The following CROCC variants were observed in gnomAD, a reference collection of about 807,000 sequenced individuals.
CROCC encodes the protein ciliary rootlet coiled-coil, rootletin.
CROCC carries 180 observed loss-of-function variants against 245.2 expected under a neutral mutation model. The observed-to-expected ratio is 0.73, with a 90% confidence interval of 0.65 to 0.83. The LOEUF is 0.83. CROCC is among the 40% of genes least tolerant of loss of function. CROCC has a pLI of 0.00. For synonymous variants in CROCC, 1,205 were observed against 1,241.6 expected (o/e 0.97, Z 0.62); for missense variants, 2,688 against 2,779.4 (o/e 0.97, Z 0.74).
intron 30 of CROCC, 123 bp from the exon 31 acceptor site, chr1:16,968,080 C>A: frequency 1.0e-6 from 1 of 958,882 alleles, no homozygotes; most frequent in Non-Finnish European, 1.6e-6. Context: ...CCAGGCCGGC[C>A]CCAGGTCACG....
In CROCC at chr1:16,954,908, A is replaced by G. The variant is rs1367679264; in HGVS notation, c.3465+31A>G. On this transcript the variant is annotated intron_variant, in intron 23 of 36. Transcript: ENST00000375541. The surrounding 1 kb of genome is among the most constrained non-coding windows in gnomAD (Gnocchi z 4.4). ...CAGCCGCCCCCCTCTTCCAAGCAGCATACCCTAAATGGCACTGTGTGCCTG... is the reference window on the plus strand; with the variant it reads ...CAGCCGCCCCCCTCTTCCAAGCAGCGTACCCTAAATGGCACTGTGTGCCTG... The G allele has an allele frequency of 3.3e-6, 5 of 1,499,442 alleles. No individual in the cohort carries two copies. Among genetic ancestry groups the G allele is most frequent in the Admixed American group, 2.1e-5 (1 of 46,744 alleles). 92.9% of individuals were successfully genotyped at this position (1,499,442 alleles called of 1,614,324 possible).
rs577404066 is a variant in CROCC at position 16,971,656 on chromosome 1, G to A, written c.5967+9G>A. The stretch of plus-strand genomic sequence containing the variant: ...GTGGGCTGGAGGAGCAGGTGTGCAG[G>A]CCCCCTTAGAAGGCTGGGCCAGGAT... On this transcript the variant is annotated intron_variant, in intron 36 of 36. Transcript: ENST00000375541. The A allele has an allele frequency of 1.5e-5, 22 of 1,476,506 alleles. No individual in the cohort carries two copies. In the African/African-American group the frequency reaches 2.9e-4, roughly 20 times the overall value. The allele number at this position is 1,476,506 out of a possible 1,614,324, so 91.5% of individuals were successfully genotyped here. A position where few individuals can be genotyped will look rare whatever the true frequency, so the allele number is the denominator to read the frequency against.
At chr1:16,944,307 C>G (rs758088580) in intron 14 of CROCC, 25 bp downstream of exon 14, 7 of 1,507,234 alleles carry the variant, frequency 4.6e-6, no homozygotes, top group East Asian at 5.0e-5. Context: ...GCCACCCTGC[C>G]AGGACCCTTC....
rs2076212260 is a variant in CROCC, at chr1:16,954,267, G to C, written c.3231G>C (p.Lys1077Asn). 2.5e-6 allele frequency: 4 copies of C among 1,611,920 alleles called. No individual in the cohort carries two copies. Among genetic ancestry groups the C allele is most frequent in the Non-Finnish European group, 3.4e-6 (4 of 1,179,870 alleles). Residue 1077 changes from lysine to asparagine, a missense_variant, in exon 22 of 37, where the codon AAG becomes AAC. Physicochemically the swap from Lys to Asn is moderately conservative, Grantham distance 94. Coordinates refer to ENST00000375541, the MANE Select transcript of CROCC (RefSeq NM_014675.5). This position sits in a 1 kb window ranked among gnomAD's most constrained non-coding sequence, Gnocchi z 4.4. The part of the protein sequence containing the change: ...KESEKTALSE[K>N]LMGTRHSLAT... Reference sequence around the variant, plus strand: ...CTGAGAAGACGGCGCTGTCAGAGAAGTTGATGGGTACACGGCACAGCCTGG... The same window carrying C: ...CTGAGAAGACGGCGCTGTCAGAGAACTTGATGGGTACACGGCACAGCCTGG...
intron 1 of CROCC, among the ~76,000 whole-genome samples, chr1:16,914,257 C>T (rs1245097208): frequency 6.6e-6 from 1 of 152,128 alleles, no homozygotes; most frequent in Non-Finnish European, 1.5e-5. Context: ...CTGTGTGTTC[C>T]GCGACTGCCG....
upstream of CROCC, among the ~76,000 whole-genome samples, chr1:16,918,357 G>A (rs148441016): frequency 2.2e-3 from 294 of 134,216 alleles, 2 homozygotes; most frequent in East Asian, 0.025. Flanking sequence ...ACACATACAC[G>A]AGGTTCAGAT....
chr1:16,931,532 T>C, intron 8 of CROCC, 135 bp downstream of exon 8: 2 of 747,754 alleles, frequency 2.7e-6, no homozygotes, highest in East Asian at 2.7e-5. Context: ...AGAGGCAACT[T>C]GTAATAACCA....
rs1381244235 is a variant in CROCC, at chr1:16,969,252, G to A, written c.5213G>A (p.Ser1738Asn). 1 of 1,613,302 alleles carries A rather than the reference G, an allele frequency of 6.2e-7. No homozygotes were observed. Among genetic ancestry groups the A allele is most frequent in the African/African-American group, 1.3e-5 (1 of 74,928 alleles). ...GGCCTGACAGAGGCCCTGGCCCAGAGCAGTGCCAGCCTCAACAGCACCCGG... is the reference window on the plus strand; with the variant it reads ...GGCCTGACAGAGGCCCTGGCCCAGAACAGTGCCAGCCTCAACAGCACCCGG... ...VRGLTEALAQ[S>N]SASLNSTRDK... Residue 1738 changes from serine (S) to asparagine (N), a missense_variant, in exon 32 of 37, where the codon AGC becomes AAC. By Grantham distance (46) the Ser-to-Asn change is conservative. Coordinates refer to ENST00000375541, the MANE Select transcript of CROCC (RefSeq NM_014675.5).
chr1:16,935,496 C>A (rs1295370702), intron 8 of CROCC, among the ~76,000 whole-genome samples: 1 of 152,268 alleles, frequency 6.6e-6, no homozygotes, highest in Non-Finnish European at 1.5e-5. Context: ...TCTCGGCTCT[C>A]TGCAAGCTCC....
intron 2 of CROCC, 58 bp from the exon 3 acceptor site, chr1:16,924,267 G>A (rs58609892): frequency 1.3e-6 from 2 of 1,576,160 alleles, no homozygotes; most frequent in East Asian, 2.3e-5. Context: ...CTCCCTGTTG[G>A]GGGGAGGATG....
At chr1:16,970,081 A>T in intron 33 of CROCC, 147 bp downstream of exon 33, 1 of 1,242,226 alleles carries the variant, frequency 8.1e-7, no homozygotes, top group African/African-American at 1.5e-5. Flanking sequence ...TAGTCCTGTT[A>T]TACAGATGGA....
intron 8 of CROCC, among the ~76,000 whole-genome samples, chr1:16,933,317 C>T (rs1457462272): frequency 1.3e-5 from 2 of 152,218 alleles, no homozygotes. Flanking sequence ...AAATACAAAA[C>T]TTATCTAGGT....
At chr1:16,971,027 G>A (rs990806391) in intron 35 of CROCC, 14 of 458,482 alleles carry the variant, frequency 3.1e-5, no homozygotes, top group Middle Eastern at 1.1e-3. Context: ...TCCATGTGAC[G>A]ATTCTTGTGT....
intron 3 of CROCC, among the ~76,000 whole-genome samples, chr1:16,929,428 A>G (rs2075612528): frequency 1.1e-5 from 1 of 93,844 alleles, no homozygotes; most frequent in African/African-American, 3.3e-5. Flanking sequence ...AATGAGGAAC[A>G]AAAAATCCAG....
intron 17 of CROCC, among the ~76,000 whole-genome samples, chr1:16,947,898 G>A (rs1439572199): frequency 6.6e-6 from 1 of 152,226 alleles, no homozygotes; most frequent in African/African-American, 2.4e-5. Context: ...GAATGCAGTG[G>A]CACGATCTGG....
In CROCC at chr1:16,936,770, CAGGCCCAGCTGG is replaced by C; in HGVS notation, c.1094_1105del (p.Ala365_Glu368del). ...AGCCCTGGAGAAACAGGCCCTGCTG[CAGGCCCAGCTGG>C]AGGAGCAGCTGCGGGACAAGGTGCT... is the stretch of plus-strand genomic sequence containing the variant. On this transcript the variant is annotated inframe_deletion, in exon 9 of 37. Coordinates refer to ENST00000375541, the MANE Select transcript of CROCC (RefSeq NM_014675.5). 2 of 1,611,592 alleles carry C rather than the reference CAGGCCCAGCTGG, an allele frequency of 1.2e-6. No homozygotes were observed. The highest frequency in any genetic ancestry group is 1.7e-6 in the Non-Finnish European group (2 of 1,179,652).
At chr1:16,949,631 A>T (rs1048958459) in intron 19 of CROCC, among the ~76,000 whole-genome samples, 8 of 152,226 alleles carry the variant, frequency 5.3e-5, no homozygotes, top group African/African-American at 1.7e-4. Flanking sequence ...CTGATCTCTG[A>T]GCCTCCATTT....
intron 13 of CROCC, among the ~76,000 whole-genome samples, chr1:16,942,406 GT>G (rs1212566357): frequency 6.6e-6 from 1 of 152,278 alleles, no homozygotes. Flanking sequence ...CTAATGAAAA[GT>G]TTGAAAAATA....
chr1:16,958,829 AT>A, intron 26 of CROCC, 79 bp downstream of exon 26: 1 of 1,468,904 alleles, frequency 6.8e-7, no homozygotes, highest in Non-Finnish European at 9.2e-7. Context: ...TGCTGGGGCC[AT>A]TCTGAAAGGC....
Sources: gnomAD v4.1 joint callset for allele counts (sites outside exome capture counted in the v4.1 genomes callset) on GRCh38, gnomAD v4.1.1 for gene constraint, Gnocchi (gnomAD v3.1) non-coding constraint, MANE v1.5 for transcripts, NCBI Gene and HGNC (gene_info 2026-07-23, HGNC 2026-07-21) for gene names.